GTF3C4: variants seen among roughly 807,000 people sequenced by gnomAD.
GTF3C4 encodes the protein general transcription factor 3C polypeptide 4.
GTF3C4 carries 28 observed loss-of-function variants against 67.5 expected under a neutral mutation model. The ratio of observed to expected loss-of-function variants is 0.41; its 90% CI spans 0.31 to 0.57. The LOEUF is 0.57. Ranked by LOEUF, GTF3C4 falls within the 20% of genes least tolerant of loss-of-function variation. The probability of loss-of-function intolerance (pLI) is 0.21; values close to 1 mark genes in which losing one functional copy is unlikely to be tolerated. For synonymous variants in GTF3C4, 409 were observed against 393.0 expected, an observed-to-expected ratio of 1.04 and a Z score of -0.48; for missense variants, 831 against 1,033.2, an observed-to-expected ratio of 0.80 and a Z score of 2.68.
At chr9:132,672,104 G>A (rs1253768091) in intron 1 of GTF3C4, among the ~76,000 whole-genome samples, 2 of 152,154 alleles carry the variant, frequency 1.3e-5, no homozygotes, top group African/African-American at 4.8e-5. Flanking sequence ...TCTTGAAGAA[G>A]ATATGAACAC....
intron 1 of GTF3C4, among the ~76,000 whole-genome samples, chr9:132,676,894 T>TA (rs1277385843): frequency 4.6e-5 from 7 of 152,336 alleles, no homozygotes; most frequent in African/African-American, 1.7e-4. Context: ...AAATTGACAC[T>TA]AAAAAATAAT....
intron 1 of GTF3C4, among the ~76,000 whole-genome samples, chr9:132,676,924 TAC>T (rs1696829273): frequency 6.6e-6 from 1 of 152,244 alleles, no homozygotes. Context: ...CTTTTTCTTT[TAC>T]CCATTTCTCT....
chr9:132,670,110 G>C, upstream of GTF3C4: 1 of 1,572,714 alleles, frequency 6.4e-7, no homozygotes, highest in South Asian at 1.1e-5. Flanking sequence ...CGGGCGGGTA[G>C]GGACAAGACT....
In GTF3C4 at chr9:132,678,067, G is replaced by A; in HGVS notation, c.448G>A (p.Val150Met). The stretch of plus-strand genomic sequence containing the variant: ...CAGTCAGACTTTCATGTTGGATAGG[G>A]TGTTCAACCCTGAGGGGAAGGCTTT... ...TVSQTFMLDR[V>M]FNPEGKALPP... The change falls in exon 2 of 5, where the codon GTG becomes ATG. Residue 150 changes from valine (V) to methionine (M), a missense_variant. By Grantham distance (21) the Val-to-Met change is conservative. Around this residue, in one of 4 missense-constraint regions of GTF3C4, gnomAD observed 390 missense variants for 540.3 expected, o/e 0.72. Transcript: ENST00000372146. The surrounding 1 kb of genome is among the most constrained non-coding windows in gnomAD (Gnocchi z 6.5). 6.2e-7 allele frequency: 1 copy of A among 1,614,180 alleles called. No individual in the cohort carries two copies.
In GTF3C4 at chr9:132,678,665, C is replaced by T; in HGVS notation, c.1046C>T (p.Ala349Val). 6.2e-7 allele frequency: 1 copy of T among 1,613,988 alleles called. No individual in the cohort carries two copies. Among genetic ancestry groups the T allele is most frequent in the Non-Finnish European group, 8.5e-7 (1 of 1,179,882 alleles). ...PIKILPVNLK[A>V]VKGYFTLRQP... ...AAAATTCTTCCTGTCAATCTCAAAG[C>T]AGTCAAAGGCTATTTCACTTTAAGG... The change falls in exon 2 of 5, where the codon GCA becomes GTA. Residue 349 changes from alanine (A) to valine (V), a missense_variant. Physicochemically the swap from Ala to Val is moderately conservative, Grantham distance 64. Around this residue, in one of 4 missense-constraint regions of GTF3C4, gnomAD observed 390 missense variants for 540.3 expected, o/e 0.72. Transcript: ENST00000372146. This position sits in a 1 kb window ranked among gnomAD's most constrained non-coding sequence, Gnocchi z 6.5.
At position 132,675,895 on chromosome 9, in the gene GTF3C4, C is replaced by CTTTTT. The variant is rs72145516; in HGVS notation, c.358-2065_358-2061dup. On this transcript the variant is annotated intron_variant, in intron 1 of 4. Coordinates refer to ENST00000372146, the MANE Select transcript of GTF3C4 (RefSeq NM_012204.4). ...ATAAGAATAGACTATTCCAGTTACC[C>CTTTTT]TTTTTTTTTTTTTTTTTTTTTGAGA... 8.8e-3 allele frequency among the ~76,000 whole-genome samples: 785 copies of CTTTTT among 88,972 alleles called. 26 individuals carry two copies. The highest frequency in any genetic ancestry group is 0.011 in the Admixed American group (70 of 6,104). The allele number at this position is 88,972 out of a possible 152,430, so 58.4% of individuals were successfully genotyped here.
At position 132,679,361 on chromosome 9, in the gene GTF3C4, T is replaced by G. The variant is rs766693428; in HGVS notation, c.1742T>G (p.Leu581Arg). ...TYFWRFKLFL[L>R]RILYQSMQKT... ...TTTTGGCGTTTTAAGCTTTTCCTCC[T>G]GAGGATTTTATATCAGTCAATGCAG... Residue 581 changes from leucine (L) to arginine (R), a missense_variant, in exon 2 of 5, where the codon CTG becomes CGG. Physicochemically the swap from Leu to Arg is moderately radical, Grantham distance 102 (BLOSUM62 -2). Coordinates refer to ENST00000372146, the MANE Select transcript of GTF3C4 (RefSeq NM_012204.4). The surrounding 1 kb of genome is among the most constrained non-coding windows in gnomAD (Gnocchi z 5.9). 1.2e-6 allele frequency: 2 copies of G among 1,614,128 alleles called. No individual in the cohort carries two copies. Among genetic ancestry groups the G allele is most frequent in the Non-Finnish European group, 1.7e-6 (2 of 1,179,994 alleles).
Position 132,670,740 on chromosome 9 carries a change from C to A in GTF3C4, c.142C>A (p.Arg48Ser), listed in dbSNP as rs759314281. 3.9e-6 allele frequency: 6 copies of A among 1,547,856 alleles called. No homozygotes were observed. In the Admixed American group the frequency reaches 5.7e-5, roughly 15 times the overall value. Residue 48 changes from arginine (R) to serine (S), a missense_variant, in exon 1 of 5, where the codon CGC becomes AGC. Coordinates refer to ENST00000372146, the MANE Select transcript of GTF3C4 (RefSeq NM_012204.4). ...GGCCCCGGGGCCCAGCGCTGCATTC[C>A]GCCTCATGGTGACTCGGCGGGAGCC... Reference protein sequence around the residue: ...DAAPGPSAAFRLMVTRREPAV... With the variant: ...DAAPGPSAAFSLMVTRREPAV...
rs1373238019 is a variant in GTF3C4 at position 132,679,672 on chromosome 9, A to G, written c.2053A>G (p.Arg685Gly). Residue 685 changes from arginine to glycine, a missense_variant, in exon 2 of 5, where the codon AGG becomes GGG. Arg to Gly is a moderately radical substitution (Grantham distance 125, BLOSUM62 -2). Around this residue, in one of 4 missense-constraint regions of GTF3C4, gnomAD observed 129 missense variants for 213.8 expected, o/e 0.60. Coordinates refer to ENST00000372146, the MANE Select transcript of GTF3C4 (RefSeq NM_012204.4). The surrounding 1 kb of genome is among the most constrained non-coding windows in gnomAD (Gnocchi z 5.9). ...CGAAGCTGTGGAGATGCACTTGACC[A>G]GGGAACACATGAAGCGAGTCTTAGG... The part of the protein sequence containing the change: ...KIEAVEMHLT[R>G]EHMKRVLGEV... 1 of 1,614,232 alleles carries G rather than the reference A, an allele frequency of 6.2e-7. No homozygotes were observed. The highest frequency in any genetic ancestry group is 1.7e-5 in the Admixed American group (1 of 60,032).
intron 2 of GTF3C4, among the ~76,000 whole-genome samples, chr9:132,680,860 T>A (rs764760946): frequency 6.6e-6 from 1 of 152,176 alleles, no homozygotes. Flanking sequence ...CCTGTAATCC[T>A]AGTACTTTGG....
In GTF3C4 at chr9:132,670,554, A is replaced by G; in HGVS notation, c.-45A>G. On this transcript the variant is annotated 5_prime_UTR_variant, in exon 1 of 5. Coordinates refer to ENST00000372146, the MANE Select transcript of GTF3C4 (RefSeq NM_012204.4). ...CGGCGGTCCGGGAGGTGGTCGCGCG[A>G]CTGCGTGGAGCGCCAGGGCGTCCGA... The G allele has an allele frequency of 7.5e-7, 1 of 1,334,932 alleles. No homozygotes were observed. 82.7% of individuals were successfully genotyped at this position (1,334,932 alleles called of 1,614,324 possible). A position where few individuals can be genotyped will look rare whatever the true frequency, so the allele number is the denominator to read the frequency against.
chr9:132,670,391 C>T (rs1230167037), upstream of GTF3C4: 2 of 1,170,586 alleles, frequency 1.7e-6, no homozygotes, highest in African/African-American at 1.6e-5. Flanking sequence ...TCCCCGCTCG[C>T]TGTCCTTTTT....
In GTF3C4 at chr9:132,679,888, C is replaced by T. The variant is rs1835915770; in HGVS notation, c.2184+85C>T. ...AATGACCTAAATTGAGTTCCTGAAG[C>T]TCAACTTTTGCTTTGACATTTTTTA... On this transcript the variant is annotated intron_variant, in intron 2 of 4. Transcript: ENST00000372146. The surrounding 1 kb of genome is among the most constrained non-coding windows in gnomAD (Gnocchi z 5.9). The T allele has an allele frequency of 1.4e-5, 18 of 1,303,196 alleles. No individual in the cohort carries two copies. The South Asian group carries it at 2.4e-4, about 18-fold the overall frequency. 80.7% of individuals were successfully genotyped at this position (1,303,196 alleles called of 1,614,324 possible).
At position 132,692,066 on chromosome 9, in the gene GTF3C4, GCTGCAATTC is replaced by G. The variant is rs1257111044; in HGVS notation, c.*3125_*3133del. Reference sequence around the variant, plus strand: ...TAAACTGCCTCAGAGTTTGTGAATTGCTGCAATTCCTGGAATGGAAACAGGAATTAGGGT... The same window carrying G: ...TAAACTGCCTCAGAGTTTGTGAATTGCTGGAATGGAAACAGGAATTAGGGT... On this transcript the variant is annotated 3_prime_UTR_variant, in exon 5 of 5. Coordinates refer to ENST00000372146, the MANE Select transcript of GTF3C4 (RefSeq NM_012204.4). The G allele has an allele frequency of 6.6e-6, 1 of 152,130 alleles. No homozygotes were observed. Among genetic ancestry groups the G allele is most frequent in the Non-Finnish European group, 1.5e-5 (1 of 68,042 alleles). 9.4% of individuals were successfully genotyped at this position (152,130 alleles called of 1,614,324 possible).
rs1028873172 is a variant in GTF3C4 at position 132,670,675 on chromosome 9, G to T, written c.77G>T (p.Gly26Val). 24 of 1,509,134 alleles carry T rather than the reference G, an allele frequency of 1.6e-5. No homozygotes were observed. Among genetic ancestry groups the T allele is most frequent in the Middle Eastern group, 2.3e-4 (1 of 4,320 alleles). 93.5% of individuals were successfully genotyped at this position (1,509,134 alleles called of 1,614,324 possible). A position where few individuals can be genotyped will look rare whatever the true frequency, so the allele number is the denominator to read the frequency against. ...CCGTCTGGGGAGGAGGAGGGAGAGG[G>T]GGGCGGCGAGGCGGGCGGGAAGGAG... Reference protein sequence around the residue: ...PAPSGEEEGEGGGEAGGKEPA... With the variant: ...PAPSGEEEGEVGGEAGGKEPA... The change falls in exon 1 of 5, where the codon GGG (glycine) becomes GTG (valine). Residue 26 changes from glycine to valine, a missense_variant. Physicochemically the swap from Gly to Val is moderately radical, Grantham distance 109 (BLOSUM62 -3). Around this residue, in one of 4 missense-constraint regions of GTF3C4, gnomAD observed 237 missense variants for 212.7 expected, o/e 1.11. Transcript: ENST00000372146.
intron 1 of GTF3C4, among the ~76,000 whole-genome samples, chr9:132,677,376 C>T (rs1043570137): frequency 1.6e-4 from 25 of 152,178 alleles, no homozygotes; most frequent in African/African-American, 5.3e-4. Flanking sequence ...CACTCCAGCC[C>T]GGGCGACAGA....
intron 1 of GTF3C4, among the ~76,000 whole-genome samples, chr9:132,673,344 T>C (rs1270102945): frequency 6.6e-6 from 1 of 152,216 alleles, no homozygotes; most frequent in Non-Finnish European, 1.5e-5. Flanking sequence ...AGGAAATCCT[T>C]ATATAGCTCT....
rs1449333827 is a variant in GTF3C4, at chr9:132,692,833, A to G, written c.*3888A>G. ...GTGCAAGTATCAACTGGCAGCCTCA[A>G]ACAGCTTTAGACTATGTCTCAGGTC... On this transcript the variant is annotated 3_prime_UTR_variant, in exon 5 of 5. Coordinates refer to ENST00000372146, the MANE Select transcript of GTF3C4 (RefSeq NM_012204.4). 1 of 152,218 alleles carries G rather than the reference A, an allele frequency of 6.6e-6. No homozygotes were observed. The highest frequency in any genetic ancestry group is 1.9e-4 in the East Asian group (1 of 5,196). The allele number at this position is 152,218 out of a possible 1,614,324, so 9.4% of individuals were successfully genotyped here.
chr9:132,678,085 A>G lies in GTF3C4; in HGVS notation c.466A>G (p.Lys156Glu). 1.2e-6 allele frequency: 2 copies of G among 1,614,136 alleles called. No homozygotes were observed. Among genetic ancestry groups the G allele is most frequent in the Non-Finnish European group, 8.5e-7 (1 of 1,179,982 alleles). ...MLDRVFNPEG[K>E]ALPPMRGFKY... ...GGATAGGGTGTTCAACCCTGAGGGG[A>G]AGGCTTTACCACCAATGAGAGGATT... The change falls in exon 2 of 5, where the codon AAG (lysine) becomes GAG (glutamate). Residue 156 changes from lysine to glutamate, a missense_variant. Physicochemically the swap from Lys to Glu is moderately conservative, Grantham distance 56. Transcript: ENST00000372146. The surrounding 1 kb of genome is among the most constrained non-coding windows in gnomAD (Gnocchi z 6.5).
Sources: gnomAD v4.1 joint callset for allele counts (sites outside exome capture counted in the v4.1 genomes callset) on GRCh38, gnomAD v4.1.1 for gene constraint, gnomAD v4.1.1 regional missense constraint, Gnocchi (gnomAD v3.1) non-coding constraint, MANE v1.5 for transcripts, NCBI Gene and HGNC (gene_info 2026-07-23, HGNC 2026-07-21) for gene names.